The following CNTNAP2 variants were observed in gnomAD, a reference collection of about 807,000 sequenced individuals.
CNTNAP2 encodes the protein contactin associated protein 2.
In CNTNAP2, 98 loss-of-function variants were observed where a neutral mutation model predicts 155.2. The ratio of observed to expected loss-of-function variants is 0.63; its 90% confidence interval spans 0.54 to 0.75. CNTNAP2 has a LOEUF of 0.75. Among genes scored for constraint, CNTNAP2 ranks in the 30% least tolerant of loss-of-function variants. The pLI is 0.00. For missense variants in CNTNAP2, 1,727 were observed against 1,688.1 expected (o/e 1.02, Z -0.40); for synonymous variants, 651 against 631.2 (o/e 1.03, Z -0.47).
chr7:146,171,221 C>T (rs1798385173), intron 1 of CNTNAP2, among the ~76,000 whole-genome samples: 1 of 151,924 alleles, frequency 6.6e-6, no homozygotes, highest in Admixed American at 6.6e-5. Context: ...TTTAAATAAC[C>T]TCTCTAGGCA....
At chr7:146,882,793 CCAAATCAAG>C (rs1287213711) in intron 3 of CNTNAP2, among the ~76,000 whole-genome samples, 1 of 151,986 alleles carries the variant, frequency 6.6e-6, no homozygotes, top group African/African-American at 2.4e-5. Context: ...AGGCTGAGAA[CCAAATCAAG>C]AATGCGATAC....
chr7:147,833,293 G>T (rs1434043815), intron 13 of CNTNAP2, among the ~76,000 whole-genome samples: 1 of 152,084 alleles, frequency 6.6e-6, no homozygotes, highest in Non-Finnish European at 1.5e-5. Flanking sequence ...GAGATCCCAG[G>T]CTTGGTTCCA....
intron 19 of CNTNAP2, among the ~76,000 whole-genome samples, chr7:148,225,541 C>A (rs1043742876): frequency 6.6e-5 from 10 of 152,090 alleles, no homozygotes; most frequent in African/African-American, 2.4e-4. Flanking sequence ...CCTGGTGAGC[C>A]ATTGCAAGAA....
chr7:147,986,208 T>C (rs1254286301), intron 15 of CNTNAP2, among the ~76,000 whole-genome samples: 1 of 152,164 alleles, frequency 6.6e-6, no homozygotes, highest in Non-Finnish European at 1.5e-5. Flanking sequence ...TCTCTGTCTC[T>C]CCATTCCTGC....
intron 16 of CNTNAP2, among the ~76,000 whole-genome samples, chr7:148,121,223 C>T (rs1012402715): frequency 4.6e-5 from 7 of 152,008 alleles, no homozygotes; most frequent in Admixed American, 1.3e-4. Flanking sequence ...TTAGTAGAGA[C>T]GGGCTTTCAC....
intron 13 of CNTNAP2, among the ~76,000 whole-genome samples, chr7:147,889,002 A>T (rs1161277777): frequency 6.6e-6 from 1 of 152,164 alleles, no homozygotes; most frequent in African/African-American, 2.4e-5. Flanking sequence ...AAAATAGATG[A>T]AATACCTTAT....
chr7:146,617,887 G>C (rs1799253142), intron 1 of CNTNAP2, among the ~76,000 whole-genome samples: 1 of 152,014 alleles, frequency 6.6e-6, no homozygotes, highest in Admixed American at 6.5e-5. Context: ...CTCAAAAAAT[G>C]GATGTTGTCT....
intron 9 of CNTNAP2, among the ~76,000 whole-genome samples, chr7:147,374,649 C>T (rs1415555341): frequency 6.6e-6 from 1 of 152,006 alleles, no homozygotes. Flanking sequence ...CCTTGTTCTA[C>T]CCCCAAAGTC....
chr7:147,367,274 G>A (rs922341040), intron 9 of CNTNAP2, among the ~76,000 whole-genome samples: 10 of 152,128 alleles, frequency 6.6e-5, no homozygotes, highest in East Asian at 1.9e-4. Flanking sequence ...AGGGAATTCC[G>A]AGTTCTAAAA....
At chr7:148,243,240 G>T (rs1371587576) in intron 20 of CNTNAP2, among the ~76,000 whole-genome samples, 1 of 152,110 alleles carries the variant, frequency 6.6e-6, no homozygotes, top group Non-Finnish European at 1.5e-5. Flanking sequence ...TAGGATCTAG[G>T]TTACCAACAT....
At chr7:146,996,127 A>G (rs555787880) in intron 3 of CNTNAP2, among the ~76,000 whole-genome samples, 2 of 152,060 alleles carry the variant, frequency 1.3e-5, no homozygotes, top group Non-Finnish European at 2.9e-5. Flanking sequence ...GCATATGTAT[A>G]TCCAATTTAT....
At chr7:147,375,236 A>C (rs1380990797) in intron 9 of CNTNAP2, among the ~76,000 whole-genome samples, 6 of 152,000 alleles carry the variant, frequency 3.9e-5, no homozygotes, top group Admixed American at 3.9e-4. Flanking sequence ...GAATGAACTA[A>C]TACAATCCTC....
At chr7:147,594,659 A>G (rs953532535) in intron 12 of CNTNAP2, among the ~76,000 whole-genome samples, 19 of 152,124 alleles carry the variant, frequency 1.2e-4, no homozygotes, top group African/African-American at 4.6e-4. Flanking sequence ...TACAACTGAG[A>G]GTTATTATTG....
At chr7:146,969,807 C>G (rs1797743179) in intron 3 of CNTNAP2, among the ~76,000 whole-genome samples, 1 of 152,224 alleles carries the variant, frequency 6.6e-6, no homozygotes, top group Admixed American at 6.5e-5. Flanking sequence ...TGACTTCAAA[C>G]TATACTACAA....
intron 4 of CNTNAP2, among the ~76,000 whole-genome samples, chr7:147,065,482 C>T (rs1015588742): frequency 2.6e-5 from 4 of 152,188 alleles, no homozygotes; most frequent in African/African-American, 4.8e-5. Flanking sequence ...TTCCAACTCT[C>T]ATATTTAAAC....
chr7:147,028,645 A>G (rs1340894152), intron 3 of CNTNAP2, among the ~76,000 whole-genome samples: 1 of 152,210 alleles, frequency 6.6e-6, no homozygotes, highest in African/African-American at 2.4e-5. Flanking sequence ...ACACTTTATT[A>G]ATCCGTTTGT....
chr7:146,816,796 G>C (rs1040879227), intron 2 of CNTNAP2, among the ~76,000 whole-genome samples: 1 of 152,126 alleles, frequency 6.6e-6, no homozygotes, highest in East Asian at 1.9e-4. Context: ...TACTATCCAT[G>C]TGATCTGTGG....
At chr7:146,691,218 C>T (rs1800692659) in intron 1 of CNTNAP2, among the ~76,000 whole-genome samples, 1 of 151,412 alleles carries the variant, frequency 6.6e-6, no homozygotes, top group South Asian at 2.1e-4. Context: ...AATATAAAGC[C>T]ACTAATTTGG....
At chr7:146,976,821 G>C (rs1673374098) in intron 3 of CNTNAP2, among the ~76,000 whole-genome samples, 1 of 152,164 alleles carries the variant, frequency 6.6e-6, no homozygotes, top group African/African-American at 2.4e-5. Flanking sequence ...TGTCTGTTCT[G>C]TCTGCTCTGT....
Sources: gnomAD v4.1 joint callset for allele counts (sites outside exome capture counted in the v4.1 genomes callset) on GRCh38, gnomAD v4.1.1 for gene constraint, MANE v1.5 for transcripts, NCBI Gene and HGNC (gene_info 2026-07-23, HGNC 2026-07-21) for gene names.